Variants in SLC39A12 observed in about 807,000 individuals in gnomAD.
The protein encoded by SLC39A12 is solute carrier family 39 member 12, also known as zinc transporter ZIP12.
In SLC39A12, 63 loss-of-function variants were observed where a neutral mutation model predicts 71.1. That is an observed-to-expected ratio of 0.89 (90% confidence interval 0.72 to 1.09). The LOEUF (loss-of-function observed/expected upper bound fraction) is 1.09. SLC39A12 is among the 50% of genes least tolerant of loss of function. The probability of loss-of-function intolerance (pLI) is 0.00; values close to 1 mark genes in which losing one functional copy is unlikely to be tolerated. For missense variants in SLC39A12, 892 were observed against 812.6 expected (o/e 1.10, Z -1.19); for synonymous variants, 351 against 301.3 (o/e 1.16, Z -1.71).
In SLC39A12 at chr10:18,042,704, G is replaced by A; in HGVS notation, c.1948-1G>A. The A allele has an allele frequency of 1.9e-6, 3 of 1,594,096 alleles. No homozygotes were observed. The highest frequency in any genetic ancestry group is 2.6e-6 in the Non-Finnish European group (3 of 1,172,990). On this transcript the variant is annotated splice_acceptor_variant, in intron 12 of 12. Coordinates refer to ENST00000377369, the MANE Select transcript of SLC39A12 (RefSeq NM_001145195.2). LOFTEE classifies it high-confidence loss of function. ...ATTCTGGTTTTTTATTCTTTTTTTA[G>A]CTTCCTGAAATGACTCATGTTCAAA... is the stretch of plus-strand genomic sequence containing the variant.
intron 2 of SLC39A12, among the ~76,000 whole-genome samples, chr10:17,958,374 G>T (rs1275352207): frequency 1.3e-5 from 2 of 152,076 alleles, no homozygotes; most frequent in African/African-American, 4.8e-5. Flanking sequence ...GCACTTGAAA[G>T]TATAACATAA....
intron 2 of SLC39A12, among the ~76,000 whole-genome samples, chr10:17,961,231 AG>A: frequency 6.6e-6 from 1 of 152,364 alleles, no homozygotes; most frequent in South Asian, 2.1e-4. Flanking sequence ...TAGAGTAGAC[AG>A]GAGCTAGACC....
chr10:17,975,033 G>C (rs745657616), intron 4 of SLC39A12, among the ~76,000 whole-genome samples: 5 of 152,148 alleles, frequency 3.3e-5, no homozygotes, highest in Non-Finnish European at 5.9e-5. Context: ...GCCTTACTCT[G>C]TGGCCAGCAC....
intron 9 of SLC39A12, 127 bp from the exon 10 acceptor site, chr10:17,995,529 G>A: frequency 2.6e-6 from 2 of 769,784 alleles, no homozygotes; most frequent in South Asian, 3.7e-5. Flanking sequence ...GAAACCTGAG[G>A]TTCTAATATA....
At chr10:18,039,986 C>G (rs917518129) in intron 12 of SLC39A12, among the ~76,000 whole-genome samples, 1 of 152,040 alleles carries the variant, frequency 6.6e-6, no homozygotes, top group Non-Finnish European at 1.5e-5. Flanking sequence ...TAGGAGGAAA[C>G]GGGGAAAGTT....
At chr10:18,025,487 G>A (rs1478653713) in intron 12 of SLC39A12, among the ~76,000 whole-genome samples, 1 of 152,032 alleles carries the variant, frequency 6.6e-6, no homozygotes, top group East Asian at 1.9e-4. Flanking sequence ...TGCGGTGTTT[G>A]GTTTTTTGTC....
chr10:17,999,840 G>A (rs988132525), intron 10 of SLC39A12, among the ~76,000 whole-genome samples: 2 of 152,112 alleles, frequency 1.3e-5, no homozygotes. Flanking sequence ...GGCGCTTCAG[G>A]GAAGTCATTA....
At chr10:18,011,847 G>A (rs1476861150) in intron 12 of SLC39A12, among the ~76,000 whole-genome samples, 1 of 152,162 alleles carries the variant, frequency 6.6e-6, no homozygotes, top group Non-Finnish European at 1.5e-5. Flanking sequence ...GAATTGCCTT[G>A]AGAAGATCCC....
chr10:17,996,206 A>G (rs1374679979), intron 10 of SLC39A12, among the ~76,000 whole-genome samples: 1 of 152,076 alleles, frequency 6.6e-6, no homozygotes, highest in Non-Finnish European at 1.5e-5. Context: ...TTATTCTATA[A>G]CTCATTTGTT....
intron 11 of SLC39A12, chr10:18,001,907 C>G (rs1021517639): frequency 2.0e-5 from 3 of 149,792 alleles, no homozygotes; most frequent in African/African-American, 7.4e-5. Context: ...CTATCAAATA[C>G]TAGGTCTTAT....
chr10:18,023,510 A>T (rs1007570730), intron 12 of SLC39A12, among the ~76,000 whole-genome samples: 2 of 151,804 alleles, frequency 1.3e-5, no homozygotes, highest in Non-Finnish European at 2.9e-5. Flanking sequence ...TCCTCTGGGA[A>T]CTTCATGATG....
chr10:17,965,815 G>A, intron 4 of SLC39A12, 125 bp downstream of exon 4: 1 of 788,206 alleles, frequency 1.3e-6, no homozygotes, highest in Non-Finnish European at 2.0e-6. Flanking sequence ...ATTTTTTATA[G>A]AGTCATAAAG....
chr10:18,036,341 A>G (rs1040515778), intron 12 of SLC39A12, among the ~76,000 whole-genome samples: 2 of 152,106 alleles, frequency 1.3e-5, no homozygotes, highest in African/African-American at 4.8e-5. Flanking sequence ...TGTGGGATAT[A>G]ATCTCGTGGT....
intron 4 of SLC39A12, among the ~76,000 whole-genome samples, chr10:17,971,250 A>G (rs1272290231): frequency 1.9e-5 from 2 of 106,288 alleles, no homozygotes; most frequent in Non-Finnish European, 3.8e-5. Context: ...CATCAGAGAT[A>G]TTGGCCTGCC....
chr10:17,999,230 G>A lies in SLC39A12; in HGVS notation c.1601-1437G>A, dbSNP rs114955539. 4.1e-3 allele frequency among the ~76,000 whole-genome samples: 567 copies of A among 139,762 alleles called. 6 individuals carry two copies. The highest frequency in any genetic ancestry group is 0.014 in the African/African-American group (531 of 38,238). The allele number at this position is 139,762 out of a possible 152,430, so 91.7% of individuals were successfully genotyped here. ...GAATTGCTTGAACCACAGAGGCGGAGGTTGTAGTGAGCCTAGATCATGCTA... is the reference window on the plus strand; with the variant it reads ...GAATTGCTTGAACCACAGAGGCGGAAGTTGTAGTGAGCCTAGATCATGCTA... On this transcript the variant is annotated intron_variant, in intron 10 of 12. Transcript: ENST00000377369.
chr10:17,986,708 G>A (rs78271772), intron 6 of SLC39A12, among the ~76,000 whole-genome samples: 60 of 152,238 alleles, frequency 3.9e-4, no homozygotes, highest in African/African-American at 7.7e-4. Context: ...ACTTTTTGCC[G>A]CATATAACAC....
At chr10:18,028,099 G>A (rs1836729281) in intron 12 of SLC39A12, among the ~76,000 whole-genome samples, 1 of 152,208 alleles carries the variant, frequency 6.6e-6, no homozygotes, top group Non-Finnish European at 1.5e-5. Flanking sequence ...AACAGATGTT[G>A]TACATCAGTT....
chr10:18,009,465 A>G (rs776274212), intron 12 of SLC39A12, among the ~76,000 whole-genome samples: 3 of 152,172 alleles, frequency 2.0e-5, no homozygotes, highest in Non-Finnish European at 2.9e-5. Context: ...CTCTTCCCCC[A>G]TCAACCTCCC....
chr10:17,976,771 G>A (rs1005599427), intron 4 of SLC39A12, among the ~76,000 whole-genome samples: 1 of 152,204 alleles, frequency 6.6e-6, no homozygotes, highest in African/African-American at 2.4e-5. Flanking sequence ...TAATGTGTCT[G>A]GGTGTGAATC....
Sources: allele counts gnomAD v4.1 joint callset (sites outside exome capture counted in the v4.1 genomes callset), GRCh38; gene constraint gnomAD v4.1.1; transcripts MANE v1.5; gene names NCBI Gene and HGNC (gene_info 2026-07-23, HGNC 2026-07-21).